MGAT4A: variants seen among roughly 807,000 people sequenced by gnomAD.
MGAT4A encodes the protein alpha-1,3-mannosyl-glycoprotein 4-beta-N-acetylglucosaminyltransferase A, also known as N-acetylglucosaminyltransferase IVa.
In MGAT4A, 33 loss-of-function variants were observed where a neutral mutation model predicts 74.1. The ratio of observed to expected loss-of-function variants is 0.45; its 90% CI spans 0.34 to 0.60. The LOEUF (loss-of-function observed/expected upper bound fraction) is 0.60. Among genes scored for constraint, MGAT4A ranks in the 20% least tolerant of loss-of-function variants. MGAT4A has a pLI of 0.02. For synonymous variants in MGAT4A, 198 were observed against 210.4 expected (o/e 0.94, Z 0.51); for missense variants, 479 against 628.3 (o/e 0.76, Z 2.54).
At position 98,698,412 on chromosome 2, in the gene MGAT4A, G is replaced by A. The variant is rs867151991; in HGVS notation, c.95-19941C>T. ...AGCCTGGGCAACAGAGCAAGACTCC[G>A]TCTCAAAAAATAAAATTAATTAAAA... On this transcript the variant is annotated intron_variant, in intron 2 of 15. Coordinates refer to ENST00000393487, the MANE Select transcript of MGAT4A (RefSeq NM_012214.3). Among the ~76,000 whole-genome samples the A allele has an allele frequency of 1.6e-4, 24 of 152,114 alleles. 1 individual carries two copies. Among genetic ancestry groups the A allele is most frequent in the African/African-American group, 1.9e-4 (8 of 41,420 alleles).
In MGAT4A at chr2:98,623,622, TAAA is replaced by T. The variant is rs201245439; in HGVS notation, c.*1941_*1943del. 1.0e-6 allele frequency: 1 copy of T among 985,220 alleles called. No individual in the cohort carries two copies. Among genetic ancestry groups the T allele is most frequent in the African/African-American group, 1.7e-5 (1 of 57,334 alleles). 61.0% of individuals were successfully genotyped at this position (985,220 alleles called of 1,614,324 possible). A position where few individuals can be genotyped will look rare whatever the true frequency, so the allele number is the denominator to read the frequency against. The stretch of plus-strand genomic sequence containing the variant: ...GAAAAGTAAATTTAAAACATCCTAA[TAAA>T]AAAATTTCAACTGGCCTTTAACTGA... On this transcript the variant is annotated 3_prime_UTR_variant, in exon 16 of 16. Coordinates refer to ENST00000393487, the MANE Select transcript of MGAT4A (RefSeq NM_012214.3).
In MGAT4A at chr2:98,669,317, G is replaced by A. The variant is rs138111767; in HGVS notation, c.403+5718C>T. 4.9e-3 allele frequency among the ~76,000 whole-genome samples: 743 copies of A among 152,252 alleles called. 9 individuals carry two copies. Among genetic ancestry groups the A allele is most frequent in the African/African-American group, 0.017 (704 of 41,538 alleles). ...TGAATAAGCCTCACGAGATCTGATG[G>A]TTTTAAAAGGAGGAGTTCCCTTGCA... On this transcript the variant is annotated intron_variant, in intron 4 of 15. Transcript: ENST00000393487.
intron 2 of MGAT4A, among the ~76,000 whole-genome samples, chr2:98,725,533 CTCA>C (rs1553540889): frequency 1.3e-5 from 2 of 151,548 alleles, no homozygotes; most frequent in South Asian, 2.1e-4. Flanking sequence ...CATCTTTCTT[CTCA>C]TCATCAACAT....
At chr2:98,709,487 G>A (rs775386894) in intron 2 of MGAT4A, among the ~76,000 whole-genome samples, 12 of 151,986 alleles carry the variant, frequency 7.9e-5, no homozygotes, top group African/African-American at 2.7e-4. Context: ...ATTATGAGGC[G>A]CAACAAAAAT....
At chr2:98,691,685 G>C (rs55633363) in intron 2 of MGAT4A, among the ~76,000 whole-genome samples, 36,088 of 152,122 alleles carry the variant, frequency 0.24, 5,058 homozygotes, top group Non-Finnish European at 0.32. Flanking sequence ...TGTTCTTTTA[G>C]AGTATACTCC....
intron 2 of MGAT4A, among the ~76,000 whole-genome samples, chr2:98,704,097 G>T (rs1702388535): frequency 6.6e-6 from 1 of 152,108 alleles, no homozygotes; most frequent in South Asian, 2.1e-4. Context: ...TACCTATCTT[G>T]TTTACCATGA....
chr2:98,677,347 A>G (rs3769688), intron 3 of MGAT4A, among the ~76,000 whole-genome samples: 36,044 of 152,216 alleles, frequency 0.24, 5,055 homozygotes, highest in Non-Finnish European at 0.32. Context: ...ACAGAAACAC[A>G]TATACACGAA....
intron 2 of MGAT4A, among the ~76,000 whole-genome samples, chr2:98,710,842 T>C (rs534998452): frequency 1.6e-4 from 24 of 152,140 alleles, no homozygotes; most frequent in Non-Finnish European, 2.8e-4. Flanking sequence ...TCTGCTTATA[T>C]AGAAAATTTT....
At chr2:98,642,570 A>C (rs1412074030) in intron 10 of MGAT4A, among the ~76,000 whole-genome samples, 1 of 152,180 alleles carries the variant, frequency 6.6e-6, no homozygotes, top group African/African-American at 2.4e-5. Flanking sequence ...TTCACCTCAC[A>C]GGCTCATTTT....
intron 8 of MGAT4A, among the ~76,000 whole-genome samples, chr2:98,648,641 C>A (rs923680977): frequency 2.0e-5 from 3 of 151,784 alleles, no homozygotes; most frequent in African/African-American, 7.3e-5. Flanking sequence ...ATCATATGAC[C>A]CAGGTCAAGG....
In MGAT4A at chr2:98,621,536, C is replaced by T; in HGVS notation, c.*4030G>A. 6.4e-7 allele frequency: 1 copy of T among 1,551,240 alleles called. No homozygotes were observed. Among genetic ancestry groups the T allele is most frequent in the Non-Finnish European group, 8.7e-7 (1 of 1,146,766 alleles). ...AAAGGAGTCACAAGATTTGATTAGC[C>T]ACCCCCAGACAGTCTTCCTTTTGCT... On this transcript the variant is annotated 3_prime_UTR_variant, in exon 16 of 16. Coordinates refer to ENST00000393487, the MANE Select transcript of MGAT4A (RefSeq NM_012214.3).
chr2:98,674,711 G>A (rs1701955284), intron 4 of MGAT4A, among the ~76,000 whole-genome samples: 1 of 152,178 alleles, frequency 6.6e-6, no homozygotes, highest in Admixed American at 6.5e-5. Flanking sequence ...CAAAAGAGCT[G>A]TTAATTTTGA....
chr2:98,635,763 C>T (rs912649331), intron 13 of MGAT4A, among the ~76,000 whole-genome samples: 3 of 151,784 alleles, frequency 2.0e-5, no homozygotes, highest in South Asian at 2.1e-4. Flanking sequence ...GAGGCCGAGG[C>T]GGGTGGATCA....
At chr2:98,640,519 G>A (rs567835790) in intron 10 of MGAT4A, among the ~76,000 whole-genome samples, 4 of 152,056 alleles carry the variant, frequency 2.6e-5, no homozygotes, top group South Asian at 2.1e-4. Flanking sequence ...CAGGAGAATC[G>A]CTTGAACCCA....
At chr2:98,649,326 G>C (rs1701542397) in intron 8 of MGAT4A, among the ~76,000 whole-genome samples, 1 of 151,952 alleles carries the variant, frequency 6.6e-6, no homozygotes, top group Admixed American at 6.6e-5. Flanking sequence ...AGACACACAA[G>C]ACACATTCCC....
chr2:98,730,440 G>A (rs1205776020), intron 1 of MGAT4A, among the ~76,000 whole-genome samples: 2 of 152,134 alleles, frequency 1.3e-5, no homozygotes, highest in Admixed American at 1.3e-4. Context: ...TCTTTCACGC[G>A]GGCCCCGCAG....
chr2:98,689,209 C>G (rs544518957), intron 2 of MGAT4A, among the ~76,000 whole-genome samples: 1 of 152,110 alleles, frequency 6.6e-6, no homozygotes, highest in South Asian at 2.1e-4. Context: ...CTTCTGTAAC[C>G]TTTGCTGAAA....
intron 5 of MGAT4A, among the ~76,000 whole-genome samples, chr2:98,662,355 A>C (rs1701764713): frequency 1.3e-5 from 2 of 152,166 alleles, no homozygotes; most frequent in South Asian, 4.1e-4. Context: ...GTAATTTTTC[A>C]TTATATATTT....
In MGAT4A at chr2:98,675,029, A is replaced by G. The variant is rs746835420; in HGVS notation, c.403+6T>C. 10 of 1,608,160 alleles carry G rather than the reference A, an allele frequency of 6.2e-6. No individual in the cohort carries two copies. The South Asian group carries it at 1.1e-4, about 18-fold the overall frequency. Reference sequence around the variant, plus strand: ...ACAACTGCAGTAAGAAACAAAATAAACATACCTCCTGTTCTTCCGTTGCCA... The same window carrying G: ...ACAACTGCAGTAAGAAACAAAATAAGCATACCTCCTGTTCTTCCGTTGCCA... On this transcript the variant is annotated splice_donor_region_variant and intron_variant, in intron 4 of 15. Coordinates refer to ENST00000393487, the MANE Select transcript of MGAT4A (RefSeq NM_012214.3).
Sources: allele counts gnomAD v4.1 joint callset (sites outside exome capture counted in the v4.1 genomes callset), GRCh38; gene constraint gnomAD v4.1.1; transcripts MANE v1.5; gene names NCBI Gene and HGNC (gene_info 2026-07-23, HGNC 2026-07-21).